Variants in SPATA6 observed in about 807,000 individuals in gnomAD.
SPATA6 encodes spermatogenesis-associated protein 6.
SPATA6 carries 56 observed loss-of-function variants against 65.3 expected under a neutral mutation model. The ratio of observed to expected loss-of-function variants is 0.86; its 90% CI spans 0.69 to 1.07. The LOEUF is 1.07. Ranked by LOEUF, SPATA6 falls within the 50% of genes least tolerant of loss-of-function variation. The probability of loss-of-function intolerance (pLI) is 0.00; values close to 1 mark genes in which losing one functional copy is unlikely to be tolerated. For synonymous variants in SPATA6, 199 were observed against 213.2 expected (o/e 0.93, Z 0.58); for missense variants, 590 against 594.8 (o/e 0.99, Z 0.08).
At chr1:48,275,818 G>A in the SPATA6 span, among the ~76,000 whole-genome samples, 1 of 152,202 alleles carries the variant, frequency 6.6e-6, no homozygotes, top group Non-Finnish European at 1.5e-5. Flanking sequence ...CCTCTGCCAG[G>A]TTTTGGTATC....
chr1:48,454,028 G>A (rs1656811702), intron 1 of SPATA6, among the ~76,000 whole-genome samples: 1 of 150,184 alleles, frequency 6.7e-6, no homozygotes, highest in African/African-American at 2.4e-5. Flanking sequence ...TTTTTAGATG[G>A]GGTCTCGCTC....
At chr1:48,374,341 G>C (rs933665255) in intron 9 of SPATA6, among the ~76,000 whole-genome samples, 1 of 151,100 alleles carries the variant, frequency 6.6e-6, no homozygotes, top group Non-Finnish European at 1.5e-5. Flanking sequence ...ATTCACAATA[G>C]GAACAAGCCA....
chr1:48,352,904 A>T (rs1249457385), intron 11 of SPATA6, among the ~76,000 whole-genome samples: 1 of 4,212 alleles, frequency 2.4e-4, no homozygotes, highest in South Asian at 0.015. Context: ...TTTTAAATAC[A>T]AAAAAAAAAA....
Position 48,325,522 on chromosome 1 carries a change from T to C in SPATA6, c.1195-19644A>G, listed in dbSNP as rs1476882390. ...ATGATCTCATCATCCTCACTGAATG[T>C]CACCCGGGAGTTCTTCCTCTTCCTC... On this transcript the variant is annotated intron_variant, in intron 11 of 12. Coordinates refer to ENST00000371847, the MANE Select transcript of SPATA6 (RefSeq NM_019073.4). The C allele has an allele frequency of 3.3e-6, 4 of 1,221,610 alleles. No individual in the cohort carries two copies. The East Asian group carries it at 9.4e-5, about 29-fold the overall frequency. The allele number at this position is 1,221,610 out of a possible 1,614,324, so 75.7% of individuals were successfully genotyped here. A position where few individuals can be genotyped will look rare whatever the true frequency, so the allele number is the denominator to read the frequency against.
the SPATA6 span, among the ~76,000 whole-genome samples, chr1:48,283,655 G>C: frequency 4.1e-5 from 2 of 48,342 alleles, no homozygotes; most frequent in African/African-American, 1.9e-4. Flanking sequence ...ATCTAGCCTG[G>C]GTGACAGAGC....
chr1:48,326,198 C>T (rs1470740842), intron 11 of SPATA6: 1 of 152,424 alleles, frequency 6.6e-6, no homozygotes, highest in Non-Finnish European at 1.5e-5. Context: ...AAATTAGTTA[C>T]ATTTCTATTA....
chr1:48,463,648 G>T (rs1288477859), intron 1 of SPATA6, among the ~76,000 whole-genome samples: 2 of 151,886 alleles, frequency 1.3e-5, no homozygotes, highest in Non-Finnish European at 2.9e-5. Flanking sequence ...AAAAGAAGAA[G>T]GAAAAAGGGA....
At position 48,415,620 on chromosome 1, in the gene SPATA6, G is replaced by T. The variant is rs377215406; in HGVS notation, c.239-2469C>A. Among the ~76,000 whole-genome samples, 20 of 139,974 alleles carry T rather than the reference G, an allele frequency of 1.4e-4. 1 individual carries two copies. The highest frequency in any genetic ancestry group is 5.5e-4 in the African/African-American group (20 of 36,622). 91.8% of individuals were successfully genotyped at this position (139,974 alleles called of 152,430 possible). On this transcript the variant is annotated intron_variant, in intron 3 of 12. Coordinates refer to ENST00000371847, the MANE Select transcript of SPATA6 (RefSeq NM_019073.4). ...TATGACAACAAAAATTTCCAAAACT[G>T]AAAAGCAAACAGAAAAAAAGACTGA...
the SPATA6 span, among the ~76,000 whole-genome samples, chr1:48,270,780 C>T: frequency 6.6e-6 from 1 of 150,980 alleles, no homozygotes; most frequent in Non-Finnish European, 1.5e-5. Context: ...CTTTCATATA[C>T]TATACAAATT....
At chr1:48,440,805 G>A (rs983287704) in intron 3 of SPATA6, among the ~76,000 whole-genome samples, 17 of 152,142 alleles carry the variant, frequency 1.1e-4, no homozygotes, top group Admixed American at 6.5e-4. Flanking sequence ...GAGAAAGCTC[G>A]AAAAGCGAGC....
At chr1:48,411,420 T>C (rs1652215489) in intron 5 of SPATA6, 44 bp downstream of exon 5, 15 of 1,567,236 alleles carry the variant, frequency 9.6e-6, no homozygotes, top group Non-Finnish European at 1.3e-5. Flanking sequence ...TTTCTGACAA[T>C]GATTTTCCAT....
chr1:48,310,378 C>A (rs951757207), intron 11 of SPATA6, among the ~76,000 whole-genome samples: 1 of 152,142 alleles, frequency 6.6e-6, no homozygotes, highest in Non-Finnish European at 1.5e-5. Flanking sequence ...GAGATTGTGA[C>A]ATGTTGGTTA....
At chr1:48,449,689 G>A (rs772559534) in intron 3 of SPATA6, among the ~76,000 whole-genome samples, 1 of 152,130 alleles carries the variant, frequency 6.6e-6, no homozygotes, top group African/African-American at 2.4e-5. Flanking sequence ...TTAACAAATC[G>A]ATTGCAAAAA....
At chr1:48,391,374 C>CAAAAA (rs532962472) in intron 8 of SPATA6, among the ~76,000 whole-genome samples, 5 of 135,516 alleles carry the variant, frequency 3.7e-5, no homozygotes, top group Non-Finnish European at 8.0e-5. Flanking sequence ...GATCCTGTCT[C>CAAAAA]AAAAAAAAAA....
intron 9 of SPATA6, among the ~76,000 whole-genome samples, chr1:48,360,355 G>A (rs879437419): frequency 8.5e-5 from 13 of 152,112 alleles, no homozygotes; most frequent in Non-Finnish European, 1.6e-4. Flanking sequence ...ATGAGAAGCA[G>A]GGGGGTTAAG....
chr1:48,289,637 G>A, the SPATA6 span, among the ~76,000 whole-genome samples: 1 of 152,200 alleles, frequency 6.6e-6, no homozygotes, highest in Admixed American at 6.5e-5. Context: ...AGAATAAACA[G>A]TGTAGAGAAG....
intron 3 of SPATA6, chr1:48,437,061 C>G (rs1339109865): frequency 2.5e-6 from 4 of 1,600,278 alleles, no homozygotes. Flanking sequence ...GTTTATTGTC[C>G]CATGTTTTCT....
the SPATA6 span, among the ~76,000 whole-genome samples, chr1:48,267,752 GTTTTTTTTTTT>G: frequency 1.5e-3 from 108 of 72,718 alleles, 1 homozygote; most frequent in South Asian, 0.017. Context: ...TAGGGTCTGG[GTTTTTTTTTTT>G]TTTTTTTTTT....
At chr1:48,351,264 A>C (rs1646507280) in intron 11 of SPATA6, among the ~76,000 whole-genome samples, 3 of 151,924 alleles carry the variant, frequency 2.0e-5, no homozygotes, top group Non-Finnish European at 4.4e-5. Context: ...TTTCTACATA[A>C]ATAATCATAT....
Sources: gnomAD v4.1 joint callset for allele counts (sites outside exome capture counted in the v4.1 genomes callset) on GRCh38, gnomAD v4.1.1 for gene constraint, MANE v1.5 for transcripts, NCBI Gene and HGNC (gene_info 2026-07-23, HGNC 2026-07-21) for gene names.